Variants in CCND3 observed in about 807,000 individuals in gnomAD.
The protein encoded by CCND3 is cyclin D3.
Under a neutral mutation model 28.7 loss-of-function variants are expected in CCND3, and 9 were observed. That is an observed-to-expected ratio of 0.31 (90% CI 0.19 to 0.55). The LOEUF (loss-of-function observed/expected upper bound fraction) is 0.55, where lower values mean the gene tolerates loss of function less well. CCND3 is among the 20% of genes least tolerant of loss of function. The probability of loss-of-function intolerance (pLI) is 0.93; values close to 1 mark genes in which losing one functional copy is unlikely to be tolerated. For synonymous variants in CCND3, 164 were observed against 163.9 expected (o/e 1.00, Z 0.00); for missense variants, 315 against 385.8 (o/e 0.82, Z 1.54).
upstream of CCND3, among the ~76,000 whole-genome samples, chr6:41,945,026 T>C (rs753220262): frequency 5.4e-4 from 82 of 152,104 alleles, no homozygotes; most frequent in Non-Finnish European, 8.7e-4. Flanking sequence ...TTTTTGTTTT[T>C]CTAAAAGGAA....
intron 1 of CCND3, among the ~76,000 whole-genome samples, chr6:41,988,261 G>A (rs1436757735): frequency 6.6e-6 from 1 of 152,028 alleles, no homozygotes; most frequent in Non-Finnish European, 1.5e-5. Flanking sequence ...AGCTGAGATC[G>A]TGCCATTGCA....
At chr6:41,958,000 CTTTTT>C (rs536258560) in intron 1 of CCND3, among the ~76,000 whole-genome samples, 1 of 127,042 alleles carries the variant, frequency 7.9e-6, no homozygotes, top group Non-Finnish European at 1.6e-5. Flanking sequence ...TTATCTTTAT[CTTTTT>C]TTTTTTTTTT....
chr6:41,979,735 C>T (rs1222171234), intron 1 of CCND3, among the ~76,000 whole-genome samples: 2 of 151,238 alleles, frequency 1.3e-5, no homozygotes, highest in African/African-American at 4.9e-5. Flanking sequence ...AATTCTTTAG[C>T]AAATCCTTAA....
At chr6:42,049,346 A>T (rs1442397881), upstream of CCND3, among the ~76,000 whole-genome samples, 2 of 151,682 alleles carry the variant, frequency 1.3e-5, no homozygotes, top group Non-Finnish European at 2.9e-5. Context: ...CGATTTCTTG[A>T]CTCTTACTAC....
intron 1 of CCND3, among the ~76,000 whole-genome samples, chr6:42,025,245 A>G (rs4714554): frequency 0.57 from 87,093 of 151,892 alleles, 25,266 homozygotes; most frequent in Admixed American, 0.65. Flanking sequence ...GGGCAGGGGG[A>G]CCTCTCTTCC....
At chr6:41,996,589 C>T (rs1269291601) in intron 1 of CCND3, among the ~76,000 whole-genome samples, 1 of 151,948 alleles carries the variant, frequency 6.6e-6, no homozygotes, top group Non-Finnish European at 1.5e-5. Flanking sequence ...TCTCTTCTAC[C>T]ATTTATCATA....
rs1228522737 is a variant in CCND3, at chr6:41,936,426, G to C, written c.711+133C>G. ...CCCAGACCAAGGCAGGAGATAAAAA[G>C]CCACAAAGCCCCAAGGTTGTGAAAC... On this transcript the variant is annotated intron_variant, in intron 4 of 4. Transcript: ENST00000372991. The surrounding 1 kb of genome is among the most constrained non-coding windows in gnomAD (Gnocchi z 4.4). The C allele has an allele frequency of 2.8e-6, 3 of 1,087,040 alleles. No homozygotes were observed. The highest frequency in any genetic ancestry group is 4.0e-6 in the Non-Finnish European group (3 of 747,160). The allele number at this position is 1,087,040 out of a possible 1,614,324, so 67.3% of individuals were successfully genotyped here.
chr6:42,000,562 A>ATTTTTTTT lies in CCND3; in HGVS notation c.-46+47938_-46+47939insAAAAAAAA, dbSNP rs1458063924. On this transcript the variant is annotated intron_variant, in intron 1 of 4. Coordinates refer to the CCND3 transcript ENST00000372988. ...ACTTTCTAATAACTGGGTGAAACGAATCTTTTTTTTTTTTTTTTTTCTGAG... is the reference window on the plus strand; with the variant it reads ...ACTTTCTAATAACTGGGTGAAACGAATTTTTTTTTCTTTTTTTTTTTTTTTTTTCTGAG... 8.5e-3 allele frequency among the ~76,000 whole-genome samples: 118 copies of ATTTTTTTT among 13,890 alleles called. 5 individuals carry two copies. The highest frequency in any genetic ancestry group is 0.015 in the African/African-American group (76 of 4,980). The allele number at this position is 13,890 out of a possible 152,430, so 9.1% of individuals were successfully genotyped here.
At chr6:42,047,305 T>C (rs1390435799) in intron 1 of CCND3, among the ~76,000 whole-genome samples, 1 of 152,226 alleles carries the variant, frequency 6.6e-6, no homozygotes, top group Non-Finnish European at 1.5e-5. Context: ...GAATAGCCTG[T>C]GCAGATGGAG....
chr6:41,941,360 GA>G lies in CCND3; in HGVS notation c.198+91del. 3.2e-6 allele frequency: 5 copies of G among 1,546,172 alleles called. No individual in the cohort carries two copies. The highest frequency in any genetic ancestry group is 4.3e-6 in the Non-Finnish European group (5 of 1,150,588). On this transcript the variant is annotated intron_variant, in intron 1 of 4. Coordinates refer to ENST00000372991, the MANE Select transcript of CCND3 (RefSeq NM_001760.5). The surrounding 1 kb of genome is among the most constrained non-coding windows in gnomAD (Gnocchi z 6.1). ...AGTCTTAGCCTCGGAGCATCCTGCA[GA>G]TTGCTGTGGGGACCGGGATGTCCCG...
chr6:42,047,589 C>A (rs565579282), intron 1 of CCND3, among the ~76,000 whole-genome samples: 2 of 152,138 alleles, frequency 1.3e-5, no homozygotes, highest in Non-Finnish European at 2.9e-5. Context: ...CCCAGCTGTA[C>A]CCAGCTGGGA....
At chr6:42,020,621 C>T (rs950285635) in intron 1 of CCND3, among the ~76,000 whole-genome samples, 2 of 152,222 alleles carry the variant, frequency 1.3e-5, no homozygotes, top group African/African-American at 4.8e-5. Context: ...CTCTAAAGAC[C>T]ACTCGGCTCT....
At chr6:42,038,952 G>C (rs933173786) in intron 1 of CCND3, among the ~76,000 whole-genome samples, 8 of 152,182 alleles carry the variant, frequency 5.3e-5, no homozygotes, top group African/African-American at 9.7e-5. Context: ...GGCCCAGCTA[G>C]ACCATAAAAG....
chr6:41,949,373 C>T (rs891229665), intron 1 of CCND3, among the ~76,000 whole-genome samples: 4 of 152,108 alleles, frequency 2.6e-5, no homozygotes, highest in Non-Finnish European at 4.4e-5. Flanking sequence ...GGCATGGTGA[C>T]GCACGCCTGT....
chr6:41,993,407 CT>C (rs1277353379), intron 1 of CCND3, among the ~76,000 whole-genome samples: 1 of 100,752 alleles, frequency 9.9e-6, no homozygotes, highest in Non-Finnish European at 1.9e-5. Context: ...AAGCTCATGT[CT>C]TCTTTTTTTT....
intron 1 of CCND3, among the ~76,000 whole-genome samples, chr6:41,980,621 A>G (rs1762318733): frequency 6.6e-6 from 1 of 152,212 alleles, no homozygotes; most frequent in South Asian, 2.1e-4. Flanking sequence ...ACACAGATAC[A>G]AGAATCCTCA....
intron 1 of CCND3, among the ~76,000 whole-genome samples, chr6:41,983,164 G>T (rs1455151698): frequency 1.3e-5 from 2 of 151,340 alleles, no homozygotes; most frequent in African/African-American, 2.4e-5. Context: ...GATCACCTGA[G>T]GTCAGGAGTT....
rs1355988637 is a variant in CCND3, at chr6:41,939,163, T to G, written c.414+1207A>C. Reference sequence around the variant, plus strand: ...CTGTGGCGCCTCCTGGATTCCCAACTCTGGCCTCCTACTCCCATCTCTGAG... The same window carrying G: ...CTGTGGCGCCTCCTGGATTCCCAACGCTGGCCTCCTACTCCCATCTCTGAG... On this transcript the variant is annotated intron_variant, in intron 2 of 4. Transcript: ENST00000372991. This position sits in a 1 kb window ranked among gnomAD's most constrained non-coding sequence, Gnocchi z 4.2. Among the ~76,000 whole-genome samples the G allele has an allele frequency of 6.6e-6, 1 of 152,128 alleles. No individual in the cohort carries two copies. Among genetic ancestry groups the G allele is most frequent in the Admixed American group, 6.5e-5 (1 of 15,270 alleles).
Position 41,935,937 on chromosome 6 carries a change from G to A in CCND3, c.*3C>T, listed in dbSNP as rs2127389155. 1 of 1,607,376 alleles carries A rather than the reference G, an allele frequency of 6.2e-7. No homozygotes were observed. Among genetic ancestry groups the A allele is most frequent in the Non-Finnish European group, 8.5e-7 (1 of 1,177,190 alleles). ...GTGGCCACTCCAGAGGGCCTCTCCAGGGCTACAGGTGTATGGCTGTGACAT... is the reference window on the plus strand; with the variant it reads ...GTGGCCACTCCAGAGGGCCTCTCCAAGGCTACAGGTGTATGGCTGTGACAT... On this transcript the variant is annotated 3_prime_UTR_variant, in exon 5 of 5. Coordinates refer to ENST00000372991, the MANE Select transcript of CCND3 (RefSeq NM_001760.5).
Sources: gnomAD v4.1 joint callset for allele counts (sites outside exome capture counted in the v4.1 genomes callset) on GRCh38, gnomAD v4.1.1 for gene constraint, Gnocchi (gnomAD v3.1) non-coding constraint, MANE v1.5 for transcripts, NCBI Gene and HGNC (gene_info 2026-07-23, HGNC 2026-07-21) for gene names.